The following ALPK1 variants were observed in gnomAD, a reference collection of about 807,000 sequenced individuals.
ALPK1 encodes the protein alpha kinase 1.
Under a neutral mutation model 120.6 loss-of-function variants are expected in ALPK1, and 110 were observed. That is an observed-to-expected ratio of 0.91 (90% CI 0.78 to 1.07). The LOEUF is 1.07. ALPK1 is among the 50% of genes least tolerant of loss of function. The pLI is 0.00. For synonymous variants in ALPK1, 582 were observed against 560.3 expected (o/e 1.04, Z -0.55); for missense variants, 1,498 against 1,483.9 (o/e 1.01, Z -0.16).
At chr4:112,375,189 T>C (rs925901557) in intron 2 of ALPK1, among the ~76,000 whole-genome samples, 4 of 150,944 alleles carry the variant, frequency 2.6e-5, no homozygotes, top group Non-Finnish European at 5.9e-5. Context: ...TCTTTTTTTT[T>C]TTTTTTTTTG....
At chr4:112,362,484 G>T (rs957603531) in intron 2 of ALPK1, among the ~76,000 whole-genome samples, 1 of 152,084 alleles carries the variant, frequency 6.6e-6, no homozygotes, top group African/African-American at 2.4e-5. Context: ...AGAAGAAACA[G>T]CTTCAGAGCT....
At chr4:112,415,485 A>C (rs1733699089) in intron 5 of ALPK1, among the ~76,000 whole-genome samples, 1 of 152,052 alleles carries the variant, frequency 6.6e-6, no homozygotes, top group African/African-American at 2.4e-5. Flanking sequence ...AAAATACAAA[A>C]AATTAGCCTG....
intron 11 of ALPK1, among the ~76,000 whole-genome samples, chr4:112,434,560 T>C (rs777298321): frequency 6.6e-6 from 1 of 152,258 alleles, no homozygotes; most frequent in South Asian, 2.1e-4. Flanking sequence ...TTCCTTTCTA[T>C]AAGGTGGAGA....
intron 4 of ALPK1, among the ~76,000 whole-genome samples, chr4:112,386,733 C>T (rs1732168982): frequency 6.6e-6 from 1 of 152,192 alleles, no homozygotes; most frequent in Non-Finnish European, 1.5e-5. Context: ...TATATTCCAG[C>T]ACCATTGTAC....
intron 1 of ALPK1, among the ~76,000 whole-genome samples, chr4:112,308,243 A>G (rs1728209992): frequency 6.6e-6 from 1 of 151,922 alleles, no homozygotes; most frequent in East Asian, 1.9e-4. Context: ...TGCTCTTCTC[A>G]AGGAGTATCT....
At chr4:112,390,563 G>A (rs1470866589) in intron 4 of ALPK1, among the ~76,000 whole-genome samples, 6 of 152,254 alleles carry the variant, frequency 3.9e-5, no homozygotes, top group South Asian at 2.1e-4. Flanking sequence ...CACTTAAAAT[G>A]CATACCTTCA....
intron 13 of ALPK1, among the ~76,000 whole-genome samples, chr4:112,439,425 G>A (rs1425625230): frequency 6.6e-6 from 1 of 152,142 alleles, no homozygotes; most frequent in Non-Finnish European, 1.5e-5. Flanking sequence ...AATCTTAAGT[G>A]AGCAGTTTAA....
intron 2 of ALPK1, chr4:112,358,667 GTC>G: frequency 1.4e-6 from 1 of 715,780 alleles, no homozygotes; most frequent in South Asian, 1.5e-5. Context: ...GCTCCACCCT[GTC>G]TCTCCCATCT....
intron 2 of ALPK1, among the ~76,000 whole-genome samples, chr4:112,329,014 AT>A (rs1234365452): frequency 6.6e-6 from 1 of 152,172 alleles, no homozygotes; most frequent in African/African-American, 2.4e-5. Flanking sequence ...TTTTCTACAC[AT>A]TGGCCTCCCC....
intron 2 of ALPK1, chr4:112,358,142 G>C: frequency 3.2e-6 from 2 of 616,454 alleles, no homozygotes; most frequent in South Asian, 2.9e-5. Context: ...GTTCCTCTCT[G>C]GGCAGGCGTC....
chr4:112,343,056 G>T (rs1729931634), intron 2 of ALPK1: 1 of 152,304 alleles, frequency 6.6e-6, no homozygotes, highest in African/African-American at 2.4e-5. Context: ...AAGCAAGTGG[G>T]CCAAGAGATT....
chr4:112,382,562 G>GCCACA lies in ALPK1; in HGVS notation c.276+15_276+19dup. 1.2e-6 allele frequency: 2 copies of GCCACA among 1,614,150 alleles called. No homozygotes were observed. The highest frequency in any genetic ancestry group is 1.7e-6 in the Non-Finnish European group (2 of 1,180,006). On this transcript the variant is annotated intron_variant, in intron 4 of 15. Transcript: ENST00000650871. ...GTTGCAGCAGTTACTGGTAGGAAGA[G>GCCACA]CCACACCACCTGTTCCTCTGATATC...
At chr4:112,331,984 T>G (rs1418399846) in intron 2 of ALPK1, among the ~76,000 whole-genome samples, 1 of 152,074 alleles carries the variant, frequency 6.6e-6, no homozygotes, top group Non-Finnish European at 1.5e-5. Flanking sequence ...CTAAGTGAGG[T>G]TTCTCAAGGA....
At chr4:112,354,489 A>G (rs1001618673) in intron 2 of ALPK1, among the ~76,000 whole-genome samples, 3 of 152,160 alleles carry the variant, frequency 2.0e-5, no homozygotes, top group African/African-American at 7.2e-5. Context: ...GTTTTCAGAC[A>G]CAGTCTTACT....
intron 2 of ALPK1, among the ~76,000 whole-genome samples, chr4:112,371,713 T>C (rs188164774): frequency 5.4e-4 from 83 of 152,332 alleles, no homozygotes; most frequent in African/African-American, 2.0e-3. Context: ...CAGGAATTGG[T>C]GTTGCAAGTG....
intron 1 of ALPK1, among the ~76,000 whole-genome samples, chr4:112,305,619 C>A (rs57897460): frequency 0.76 from 116,095 of 152,022 alleles, 45,976 homozygotes; most frequent in East Asian, 1. Flanking sequence ...AGACTGCAGA[C>A]GTTGCCTATC....
intron 2 of ALPK1, among the ~76,000 whole-genome samples, chr4:112,345,915 G>A (rs1219228903): frequency 6.6e-6 from 1 of 152,226 alleles, no homozygotes; most frequent in African/African-American, 2.4e-5. Context: ...CCAGGCTGGA[G>A]TGCAATGGTG....
At chr4:112,410,587 T>C (rs1192835521) in intron 4 of ALPK1, among the ~76,000 whole-genome samples, 1 of 152,222 alleles carries the variant, frequency 6.6e-6, no homozygotes, top group Non-Finnish European at 1.5e-5. Context: ...GCTTCATGCA[T>C]GAATAAACAT....
intron 2 of ALPK1, among the ~76,000 whole-genome samples, chr4:112,317,800 T>C (rs1458122262): frequency 6.6e-6 from 1 of 152,230 alleles, no homozygotes; most frequent in Non-Finnish European, 1.5e-5. Context: ...TTACACTGTA[T>C]GAACAATTTT....
Sources: gnomAD v4.1 joint callset for allele counts (sites outside exome capture counted in the v4.1 genomes callset) on GRCh38, gnomAD v4.1.1 for gene constraint, MANE v1.5 for transcripts, NCBI Gene and HGNC (gene_info 2026-07-23, HGNC 2026-07-21) for gene names.